The following LTF variants were observed in gnomAD, a reference collection of about 807,000 sequenced individuals.
LTF encodes lactotransferrin, also known as epididymis luminal protein 110.
In LTF, 91 loss-of-function variants were observed where a neutral mutation model predicts 87.2. The observed-to-expected ratio is 1.04, with a 90% CI of 0.88 to 1.24. The LOEUF is 1.24. LTF is among the 50% of genes most tolerant of loss of function. The pLI, the probability that LTF is intolerant of heterozygous loss-of-function variation, is 0.00. For missense variants in LTF, 901 were observed against 904.3 expected, an observed-to-expected ratio of 1.00 and a Z score of 0.05; for synonymous variants, 378 against 356.1, an observed-to-expected ratio of 1.06 and a Z score of -0.69.
At chr3:46,463,459 C>T (rs1431110242) in intron 1 of LTF, 1 of 985,806 alleles carries the variant, frequency 1.0e-6, no homozygotes, top group Admixed American at 6.1e-5. Flanking sequence ...TTCTGTCAGC[C>T]TGGACACCCA....
chr3:46,457,816 C>T (rs919628805), intron 2 of LTF, among the ~76,000 whole-genome samples: 4 of 152,052 alleles, frequency 2.6e-5, no homozygotes, highest in Admixed American at 2.0e-4. Context: ...CGAGCGGAGT[C>T]ACCCAGGCTG....
At position 46,464,828 on chromosome 3, in the gene LTF, G is replaced by C; in HGVS notation, c.40C>G (p.Leu14Val). The C allele has an allele frequency of 6.2e-7, 1 of 1,613,930 alleles. No homozygotes were observed. The highest frequency in any genetic ancestry group is 8.5e-7 in the Non-Finnish European group (1 of 1,179,986). Residue 14 changes from leucine to valine, a missense_variant, in exon 1 of 17, where the codon CTC (leucine) becomes GTC (valine). Coordinates refer to ENST00000231751, the MANE Select transcript of LTF (RefSeq NM_002343.6). ...GCCCCCAGGCACCTGCACTCACCGA[G>C]GGCCCCGAGGAACAGCAGGACGAGG... ...VFLVLLFLGA[L>V]GLCLAGRRRS...
chr3:46,458,163 AT>A (rs925607459), intron 2 of LTF, among the ~76,000 whole-genome samples: 3 of 151,914 alleles, frequency 2.0e-5, no homozygotes, highest in African/African-American at 7.3e-5. Flanking sequence ...GTCCTTTCTA[AT>A]TTTTTTATTT....
intron 4 of LTF, 76 bp from the exon 5 acceptor site, chr3:46,455,518 G>A: frequency 1.3e-6 from 2 of 1,567,888 alleles, no homozygotes; most frequent in Non-Finnish European, 1.7e-6. Context: ...CCATCCTGAG[G>A]TCTCCGTGGG....
chr3:46,464,227 TTC>T (rs1175187420), intron 1 of LTF, among the ~76,000 whole-genome samples: 1 of 152,176 alleles, frequency 6.6e-6, no homozygotes. Context: ...TACTCCTTCC[TTC>T]TGTTTGGCTG....
intron 1 of LTF, among the ~76,000 whole-genome samples, chr3:46,476,934 T>C (rs1703366785): frequency 6.6e-6 from 1 of 152,264 alleles, no homozygotes; most frequent in African/African-American, 2.4e-5. Flanking sequence ...CTGTCTATTC[T>C]ATTGGTAATA....
At chr3:46,448,790 C>G (rs1388339835) in intron 9 of LTF, 73 bp downstream of exon 9, 1 of 1,559,994 alleles carries the variant, frequency 6.4e-7, no homozygotes, top group African/African-American at 1.4e-5. Context: ...CTGTTGACTT[C>G]ACTTTAAGCA....
rs758284309 is a variant in LTF at position 46,439,450 on chromosome 3, A to T, written c.1754T>A (p.Leu585Ter). 15 of 1,613,562 alleles carry T rather than the reference A, an allele frequency of 9.3e-6. No individual in the cohort carries two copies. The East Asian group carries it at 2.7e-4, about 29-fold the overall frequency. Residue 585 changes from leucine (L) to a stop codon, truncating the protein, a stop_gained, in exon 15 of 17, where the codon TTG becomes TAG. Transcript: ENST00000231751. LOFTEE classifies it high-confidence loss of function. Reference sequence around the variant, plus strand: ...CAGCAGCGCAAAGTCTGCCAGCTTCAAATCCTTAGCCCATGCCTCATTGTT... The same window carrying T: ...CAGCAGCGCAAAGTCTGCCAGCTTCTAATCCTTAGCCCATGCCTCATTGTT... The part of the protein sequence containing the change: ...GNNNEAWAKD[L>*]KLADFALLCL...
intron 5 of LTF, 106 bp from the exon 6 acceptor site, chr3:46,454,466 C>T: frequency 1.0e-6 from 1 of 996,060 alleles, no homozygotes; most frequent in Non-Finnish European, 1.6e-6. Flanking sequence ...CTACTCCCTG[C>T]AGGGCAGGGC....
chr3:46,457,700 T>C (rs904289076), intron 2 of LTF, among the ~76,000 whole-genome samples: 4 of 152,262 alleles, frequency 2.6e-5, no homozygotes, highest in African/African-American at 7.2e-5. Flanking sequence ...AAGTATTTTT[T>C]ATTAATTATG....
At chr3:46,448,381 A>AAT (rs1702707713) in intron 9 of LTF, among the ~76,000 whole-genome samples, 1 of 151,526 alleles carries the variant, frequency 6.6e-6, no homozygotes, top group Admixed American at 6.6e-5. Flanking sequence ...AAAAAAAAAA[A>AAT]TTAATGCTTT....
intron 1 of LTF, among the ~76,000 whole-genome samples, chr3:46,472,458 T>C (rs1313342676): frequency 1.3e-5 from 2 of 149,542 alleles, no homozygotes; most frequent in African/African-American, 5.0e-5. Flanking sequence ...AGGGTATTAA[T>C]CTCCAGAAAA....
At chr3:46,476,766 G>A (rs1369456284) in intron 1 of LTF, among the ~76,000 whole-genome samples, 1 of 152,178 alleles carries the variant, frequency 6.6e-6, no homozygotes, top group South Asian at 2.1e-4. Flanking sequence ...CATTATGACT[G>A]TGTGTGAAGT....
At chr3:46,457,163 C>T (rs1385238637) in intron 2 of LTF, among the ~76,000 whole-genome samples, 5 of 152,208 alleles carry the variant, frequency 3.3e-5, no homozygotes, top group African/African-American at 1.2e-4. Context: ...GGCCATCAAC[C>T]GGTACCAGTC....
chr3:46,449,730 A>C, intron 8 of LTF, 124 bp downstream of exon 8: 1 of 1,013,172 alleles, frequency 9.9e-7, no homozygotes, highest in Non-Finnish European at 1.5e-6. Context: ...TCACACCTGC[A>C]TCAAACCTCC....
Position 46,459,743 on chromosome 3 carries a change from T to A in LTF, c.120A>T (p.Gln40His), listed in dbSNP as rs771323147. 1 of 1,583,584 alleles carries A rather than the reference T, an allele frequency of 6.3e-7. No homozygotes were observed. Among genetic ancestry groups the A allele is most frequent in the Admixed American group, 1.8e-5 (1 of 55,134 alleles). ...GCACTTTTCTCATATTCCTTTGCCA[T>A]TGGAAGCATTTTGTGGCCTCGGGTT... Reference protein sequence around the residue: ...VSQPEATKCFQWQRNMRKVRG... With the variant: ...VSQPEATKCFHWQRNMRKVRG... The change falls in exon 2 of 17, where the codon CAA becomes CAT. Residue 40 changes from glutamine to histidine, a missense_variant. By Grantham distance (24) the Gln-to-His change is conservative (BLOSUM62 0). Coordinates refer to ENST00000231751, the MANE Select transcript of LTF (RefSeq NM_002343.6).
intron 16 of LTF, among the ~76,000 whole-genome samples, chr3:46,437,588 G>A (rs555509303): frequency 3.4e-4 from 51 of 152,154 alleles, no homozygotes; most frequent in African/African-American, 1.2e-3. Context: ...TTCCCAAGGT[G>A]GTGGGATGAC....
At chr3:46,441,887 T>A (rs1702520983) in intron 13 of LTF, 2 of 168,614 alleles carry the variant, frequency 1.2e-5, no homozygotes, top group Non-Finnish European at 2.4e-5. Flanking sequence ...ATGATGAAAC[T>A]GTGATAGCAC....
intron 8 of LTF, 23 bp from the exon 9 acceptor site, chr3:46,449,040 T>C (rs1181100616): frequency 1.3e-6 from 2 of 1,591,198 alleles, no homozygotes; most frequent in Admixed American, 1.8e-5. Flanking sequence ...AGACCGCAGG[T>C]GGCTGGGCAA....
Sources: gnomAD v4.1 joint callset for allele counts (sites outside exome capture counted in the v4.1 genomes callset) on GRCh38, gnomAD v4.1.1 for gene constraint, MANE v1.5 for transcripts, NCBI Gene and HGNC (gene_info 2026-07-23, HGNC 2026-07-21) for gene names.